Variants in CRB1 observed in about 807,000 individuals in gnomAD.
The protein encoded by CRB1 is protein crumbs homolog 1.
A neutral mutation model predicts 120.0 loss-of-function variants in CRB1; 83 were observed. The observed-to-expected ratio is 0.69, with a 90% CI of 0.58 to 0.83. CRB1 has a LOEUF of 0.83. CRB1 is among the 40% of genes least tolerant of loss of function. The pLI, the probability that CRB1 is intolerant of heterozygous loss-of-function variation, is 0.00. For synonymous variants in CRB1, 625 were observed against 612.5 expected (o/e 1.02, Z -0.30); for missense variants, 1,699 against 1,687.6 (o/e 1.01, Z -0.12).
the CRB1 span, among the ~76,000 whole-genome samples, chr1:197,259,727 C>T: frequency 6.6e-6 from 1 of 152,018 alleles, no homozygotes; most frequent in Non-Finnish European, 1.5e-5. Flanking sequence ...TATAAATTAT[C>T]CCCTCATTAA....
Position 197,438,558 on chromosome 1 carries a change from T to C in CRB1, c.3761T>C (p.Leu1254Ser). ...FTGKFCRQSR[L>S]PSTVCGNEKT... ...TTTTATCTCTCTAGACAGAGCAGAT[T>C]ACCCTCAACAGTCTGTGGGAATGAG... Residue 1254 changes from leucine to serine, a missense_variant, in exon 10 of 12, where the codon TTA (leucine) becomes TCA (serine). Transcript: ENST00000367400. The C allele has an allele frequency of 6.2e-7, 1 of 1,612,450 alleles. No individual in the cohort carries two copies. Among genetic ancestry groups the C allele is most frequent in the Non-Finnish European group, 8.5e-7 (1 of 1,178,752 alleles).
intron 11 of CRB1, 66 bp downstream of exon 11, chr1:197,442,358 C>T: frequency 6.2e-7 from 1 of 1,611,962 alleles, no homozygotes. Flanking sequence ...TTCTTTCTTA[C>T]CTCATTTTGC....
intron 4 of CRB1, among the ~76,000 whole-genome samples, chr1:197,355,169 TAGCTAGACATAAATATTCTTC>T (rs1470362204): frequency 2.6e-5 from 4 of 151,524 alleles, no homozygotes; most frequent in Admixed American, 6.6e-5. Context: ...TACAATCCCT[TAGCTAGACATAAATATTCTTC>T]AAGTCCCCAC....
At chr1:197,378,522 A>G (rs1445246267) in intron 5 of CRB1, among the ~76,000 whole-genome samples, 1 of 152,048 alleles carries the variant, frequency 6.6e-6, no homozygotes, top group Non-Finnish European at 1.5e-5. Flanking sequence ...AACTCTATGA[A>G]CCCTTTCCAA....
the CRB1 span, among the ~76,000 whole-genome samples, chr1:197,214,434 T>G: frequency 3.6e-4 from 55 of 152,142 alleles, no homozygotes; most frequent in African/African-American, 1.3e-3. Context: ...AATTTTAATA[T>G]TCACAAGTTC....
intron 5 of CRB1, among the ~76,000 whole-genome samples, chr1:197,398,892 T>TTG (rs140149936): frequency 0.1 from 14,276 of 136,220 alleles, 775 homozygotes; most frequent in African/African-American, 0.15. Flanking sequence ...CAGGAAATGA[T>TTG]TGTGTGTGTG....
intron 5 of CRB1, among the ~76,000 whole-genome samples, chr1:197,379,790 T>C (rs1394895395): frequency 1.3e-5 from 2 of 152,162 alleles, no homozygotes; most frequent in Non-Finnish European, 2.9e-5. Context: ...TCTAAGCTTG[T>C]TCCTTGCACT....
intron 11 of CRB1, 89 bp from the exon 12 acceptor site, chr1:197,477,575 T>C (rs748431794): frequency 2.5e-6 from 3 of 1,215,910 alleles, no homozygotes; most frequent in South Asian, 1.2e-5. Flanking sequence ...TTGCTCTGGT[T>C]GGTCTTCATT....
Position 197,368,606 on chromosome 1 carries a change from A to G in CRB1, c.1171+11593A>G, listed in dbSNP as rs887949375. Among the ~76,000 whole-genome samples, 5 of 152,340 alleles carry G rather than the reference A, an allele frequency of 3.3e-5. 1 individual carries two copies. Among genetic ancestry groups the G allele is most frequent in the South Asian group, 2.1e-4 (1 of 4,824 alleles). On this transcript the variant is annotated intron_variant, in intron 5 of 11. Transcript: ENST00000367400. The stretch of plus-strand genomic sequence containing the variant: ...TTTAAAGGCTAATATTTGGAAGACC[A>G]CATACAGACCAAAACAGAGGCAGAT...
chr1:197,463,336 T>C (rs1377472641), intron 11 of CRB1, among the ~76,000 whole-genome samples: 3 of 152,148 alleles, frequency 2.0e-5, no homozygotes, highest in Admixed American at 6.6e-5. Flanking sequence ...TACTTTATTG[T>C]AGTTATTCTC....
chr1:197,329,062 A>G lies in CRB1; in HGVS notation c.652+59A>G, dbSNP rs889405610. ...TAGTTAGCTCTTTCTAAGTGGCAGA[A>G]GCAGAGGTGACATTTTATTTTTCAC... is the stretch of plus-strand genomic sequence containing the variant. On this transcript the variant is annotated intron_variant, in intron 2 of 11. Coordinates refer to ENST00000367400, the MANE Select transcript of CRB1 (RefSeq NM_201253.3). 8.5e-6 allele frequency: 12 copies of G among 1,409,950 alleles called. No individual in the cohort carries two copies. The East Asian group carries it at 2.7e-4, about 32-fold the overall frequency. The allele number at this position is 1,409,950 out of a possible 1,614,324, so 87.3% of individuals were successfully genotyped here.
At chr1:197,417,069 G>A (rs1230566451) in intron 5 of CRB1, among the ~76,000 whole-genome samples, 4 of 152,184 alleles carry the variant, frequency 2.6e-5, no homozygotes, top group African/African-American at 4.8e-5. Flanking sequence ...GAAGGAGTGG[G>A]TCTATAAGGA....
chr1:197,428,712 T>C (rs192326715), intron 7 of CRB1, among the ~76,000 whole-genome samples: 2 of 152,354 alleles, frequency 1.3e-5, no homozygotes, highest in Non-Finnish European at 2.9e-5. Context: ...GGCACTATTT[T>C]ACATGGATTA....
chr1:197,450,464 T>A (rs189018749), intron 11 of CRB1, among the ~76,000 whole-genome samples: 4 of 152,212 alleles, frequency 2.6e-5, no homozygotes. Context: ...AAGTTTGGCA[T>A]ATGAATGATC....
chr1:197,283,714 G>C (rs1336704343), intron 1 of CRB1, among the ~76,000 whole-genome samples: 1 of 151,530 alleles, frequency 6.6e-6, no homozygotes, highest in Non-Finnish European at 1.5e-5. Flanking sequence ...GAAATTACAA[G>C]GGATTGCAAT....
At chr1:197,391,044 G>A (rs368280540) in intron 5 of CRB1, among the ~76,000 whole-genome samples, 2 of 152,112 alleles carry the variant, frequency 1.3e-5, no homozygotes, top group East Asian at 3.9e-4. Flanking sequence ...AAAGTTTCAT[G>A]GTAGACAGCA....
chr1:197,399,710 C>T (rs2759659), intron 5 of CRB1, among the ~76,000 whole-genome samples: 128,371 of 152,154 alleles, frequency 0.84, 54,582 homozygotes, highest in African/African-American at 0.95. Context: ...ATCAAAGTGT[C>T]CTCCAGGGCT....
the CRB1 span, among the ~76,000 whole-genome samples, chr1:197,253,413 A>AT: frequency 6.6e-6 from 1 of 152,202 alleles, no homozygotes; most frequent in South Asian, 2.1e-4. Flanking sequence ...CACTTTGAAC[A>AT]TTTTTTAACA....
intron 5 of CRB1, among the ~76,000 whole-genome samples, chr1:197,417,000 C>T (rs1664040622): frequency 6.6e-6 from 1 of 152,218 alleles, no homozygotes; most frequent in Non-Finnish European, 1.5e-5. Flanking sequence ...AGCCACCGTG[C>T]CTGGCCAAAA....
Sources: gnomAD v4.1 joint callset for allele counts (sites outside exome capture counted in the v4.1 genomes callset) on GRCh38, gnomAD v4.1.1 for gene constraint, MANE v1.5 for transcripts, NCBI Gene and HGNC (gene_info 2026-07-23, HGNC 2026-07-21) for gene names.